NRXN3: variants seen among roughly 807,000 people sequenced by gnomAD.
The protein encoded by NRXN3 is neurexin III.
Under a neutral mutation model 137.6 loss-of-function variants are expected in NRXN3, and 32 were observed. That is an observed-to-expected ratio of 0.23 (90% CI 0.18 to 0.31). The LOEUF (loss-of-function observed/expected upper bound fraction) is 0.31, where lower values mean the gene tolerates loss of function less well. NRXN3 is among the 10% of genes least tolerant of loss of function. NRXN3 has a pLI of 1.00. For missense variants in NRXN3, 1,574 were observed against 2,062.5 expected, an observed-to-expected ratio of 0.76 and a Z score of 4.59; for synonymous variants, 798 against 784.5, an observed-to-expected ratio of 1.02 and a Z score of -0.29.
intron 15 of NRXN3, among the ~76,000 whole-genome samples, chr14:79,430,636 C>T (rs1427001421): frequency 1.3e-5 from 2 of 152,166 alleles, no homozygotes; most frequent in Non-Finnish European, 1.5e-5. Context: ...TACAAAAACT[C>T]ATTAGCAAGA....
At chr14:79,114,731 T>C (rs999465176) in intron 15 of NRXN3, among the ~76,000 whole-genome samples, 43 of 152,124 alleles carry the variant, frequency 2.8e-4, no homozygotes, top group African/African-American at 9.9e-4. Flanking sequence ...ACTTGCTATG[T>C]TGCTCAGGCT....
intron 15 of NRXN3, among the ~76,000 whole-genome samples, chr14:79,319,821 T>C (rs1191628310): frequency 6.6e-6 from 1 of 152,190 alleles, no homozygotes. Context: ...AGTTGCATTC[T>C]CTCTTGACCA....
chr14:78,447,310 G>T (rs117493097), intron 4 of NRXN3, among the ~76,000 whole-genome samples: 3,889 of 152,324 alleles, frequency 0.026, 70 homozygotes, highest in Non-Finnish European at 0.034. Flanking sequence ...TGATTATGCT[G>T]CAATTGCCTC....
chr14:79,233,957 T>A (rs1304930730), intron 15 of NRXN3, among the ~76,000 whole-genome samples: 2 of 152,146 alleles, frequency 1.3e-5, no homozygotes, highest in East Asian at 3.9e-4. Context: ...AGGATGTAAA[T>A]AATTTTGAGA....
chr14:79,408,409 T>A (rs1187327996), intron 15 of NRXN3, among the ~76,000 whole-genome samples: 1 of 152,170 alleles, frequency 6.6e-6, no homozygotes, highest in Admixed American at 6.6e-5. Context: ...ACAGTTAATT[T>A]TGATAATAAC....
rs1169743225 is a variant in NRXN3 at position 79,648,374 on chromosome 14, A to T, written c.3445-15404A>T. On this transcript the variant is annotated intron_variant, in intron 16 of 20. Coordinates refer to ENST00000335750, the MANE Select transcript of NRXN3 (RefSeq NM_001330195.2). ...AGAAAATGTTGGCTCTGTGTTACTA[A>T]ATCTTACCATTTTTTAAAAGAACAG... Among the ~76,000 whole-genome samples the T allele has an allele frequency of 1.5e-5, 2 of 135,168 alleles. 1 individual carries two copies. The highest frequency in any genetic ancestry group is 3.4e-5 in the Non-Finnish European group (2 of 58,118). 88.7% of individuals were successfully genotyped at this position (135,168 alleles called of 152,430 possible).
At chr14:78,253,704 A>T (rs2069021819) in intron 2 of NRXN3, among the ~76,000 whole-genome samples, 1 of 152,130 alleles carries the variant, frequency 6.6e-6, no homozygotes, top group South Asian at 2.1e-4. Flanking sequence ...CAATCATGGG[A>T]TAATAAGTTT....
intron 15 of NRXN3, among the ~76,000 whole-genome samples, chr14:79,046,244 G>T (rs114466694): frequency 2.0e-5 from 3 of 151,960 alleles, no homozygotes; most frequent in Non-Finnish European, 4.4e-5. Context: ...AGTAGTAGCT[G>T]CAGCTTATGC....
At chr14:79,378,870 C>G (rs530568229) in intron 15 of NRXN3, among the ~76,000 whole-genome samples, 1 of 134,308 alleles carries the variant, frequency 7.4e-6, no homozygotes, top group African/African-American at 2.6e-5. Flanking sequence ...AATAAATGAA[C>G]AGATTTAAAA....
At chr14:79,223,861 G>A (rs929985795) in intron 15 of NRXN3, among the ~76,000 whole-genome samples, 1 of 152,032 alleles carries the variant, frequency 6.6e-6, no homozygotes, top group Admixed American at 6.6e-5. Flanking sequence ...TGTATGACTG[G>A]TATTTTTTTA....
intron 16 of NRXN3, among the ~76,000 whole-genome samples, chr14:79,619,496 T>G (rs193095822): frequency 3.3e-5 from 5 of 152,164 alleles, no homozygotes; most frequent in Non-Finnish European, 7.4e-5. Context: ...GACCATGAGA[T>G]TTTATGTGAT....
At chr14:79,194,448 G>T (rs1460264515) in intron 15 of NRXN3, among the ~76,000 whole-genome samples, 2 of 152,220 alleles carry the variant, frequency 1.3e-5, no homozygotes, top group African/African-American at 4.8e-5. Context: ...GACCAGAAGA[G>T]CAATTCTGCT....
chr14:78,857,540 G>A (rs2099060891), intron 10 of NRXN3, among the ~76,000 whole-genome samples: 2 of 152,150 alleles, frequency 1.3e-5, no homozygotes, highest in Non-Finnish European at 2.9e-5. Context: ...GTGTGTGTGT[G>A]TTTGTGTGTG....
chr14:78,568,273 A>C (rs1164726004), intron 4 of NRXN3, among the ~76,000 whole-genome samples: 1 of 152,138 alleles, frequency 6.6e-6, no homozygotes, highest in Admixed American at 6.5e-5. Flanking sequence ...TGCTCTTATA[A>C]AATAGGCCCA....
At chr14:79,264,795 A>G (rs1278616807) in intron 15 of NRXN3, among the ~76,000 whole-genome samples, 1 of 152,142 alleles carries the variant, frequency 6.6e-6, no homozygotes, top group Non-Finnish European at 1.5e-5. Context: ...CATCTTTCAG[A>G]TCCCTTCTAC....
At chr14:78,754,933 A>G (rs1031113803) in intron 8 of NRXN3, among the ~76,000 whole-genome samples, 1 of 151,646 alleles carries the variant, frequency 6.6e-6, no homozygotes, top group Non-Finnish European at 1.5e-5. Context: ...GAGGTGGAAT[A>G]TATTTCTCTA....
intron 10 of NRXN3, among the ~76,000 whole-genome samples, chr14:78,840,966 C>CT (rs2099010732): frequency 6.6e-6 from 1 of 152,158 alleles, no homozygotes; most frequent in Non-Finnish European, 1.5e-5. Flanking sequence ...TCTTTACTGA[C>CT]TTATGAGGTG....
At chr14:78,844,636 A>G (rs917257248) in intron 10 of NRXN3, among the ~76,000 whole-genome samples, 4 of 152,130 alleles carry the variant, frequency 2.6e-5, no homozygotes, top group Non-Finnish European at 5.9e-5. Context: ...TCTTAGCATA[A>G]TTAGTTGCTG....
At chr14:78,718,155 T>C (rs2098442897) in intron 8 of NRXN3, among the ~76,000 whole-genome samples, 2 of 152,164 alleles carry the variant, frequency 1.3e-5, no homozygotes, top group African/African-American at 2.4e-5. Context: ...ATTTTTATTA[T>C]GTAGAAGCAT....
Sources: allele counts gnomAD v4.1 joint callset (sites outside exome capture counted in the v4.1 genomes callset), GRCh38; gene constraint gnomAD v4.1.1; transcripts MANE v1.5; gene names NCBI Gene and HGNC (gene_info 2026-07-23, HGNC 2026-07-21).